MAP2K4: variants seen among roughly 807,000 people sequenced by gnomAD.
MAP2K4 encodes the protein dual specificity mitogen-activated protein kinase kinase 4.
In MAP2K4, 4 loss-of-function variants were observed where a neutral mutation model predicts 48.5. The ratio of observed to expected loss-of-function variants is 0.08; its 90% CI spans 0.04 to 0.19. The LOEUF is 0.19. Ranked by LOEUF, MAP2K4 falls within the 10% of genes least tolerant of loss-of-function variation. MAP2K4 has a pLI of 1.00. For missense variants in MAP2K4, 258 were observed against 493.3 expected, an observed-to-expected ratio of 0.52 and a Z score of 4.52; for synonymous variants, 166 against 173.1, an observed-to-expected ratio of 0.96 and a Z score of 0.32.
In MAP2K4 at chr17:12,129,307, A is replaced by G. The variant is rs1567674332; in HGVS notation, c.1040+20A>G. 1.2e-6 allele frequency: 2 copies of G among 1,614,174 alleles called. No homozygotes were observed. The highest frequency in any genetic ancestry group is 1.7e-6 in the Non-Finnish European group (2 of 1,179,980). On this transcript the variant is annotated intron_variant, in intron 9 of 10. Coordinates refer to ENST00000353533, the MANE Select transcript of MAP2K4 (RefSeq NM_003010.4). ...CTTGTGGTGAGTACCTGATTTATGA[A>G]TGGTCGAACACGCATGGCGAGAATA...
chr17:12,070,553 ATAAATG>A (rs1240455961), intron 2 of MAP2K4, among the ~76,000 whole-genome samples: 1 of 152,234 alleles, frequency 6.6e-6, no homozygotes, highest in Non-Finnish European at 1.5e-5. Flanking sequence ...GAGCATAATT[ATAAATG>A]TAAAAGAGAA....
chr17:12,054,301 C>G (rs1430900818), intron 1 of MAP2K4, among the ~76,000 whole-genome samples: 2 of 151,956 alleles, frequency 1.3e-5, no homozygotes, highest in Non-Finnish European at 1.5e-5. Context: ...ATTTTCTGCC[C>G]TTCTACCATG....
Position 12,135,259 on chromosome 17 carries a change from G to T in MAP2K4, c.1041-4580G>T, listed in dbSNP as rs528304971. 8.2e-4 allele frequency among the ~76,000 whole-genome samples: 124 copies of T among 151,640 alleles called. 1 individual carries two copies. The highest frequency in any genetic ancestry group is 2.7e-3 in the African/African-American group (111 of 41,360). ...TGCACCACCACACCTGGCTAATTTT[G>T]TATTTTTAGTAGAGTTGGGGTTTCT... On this transcript the variant is annotated intron_variant, in intron 9 of 10. Coordinates refer to ENST00000353533, the MANE Select transcript of MAP2K4 (RefSeq NM_003010.4).
At chr17:12,048,628 A>G (rs1337376548) in intron 1 of MAP2K4, among the ~76,000 whole-genome samples, 1 of 151,996 alleles carries the variant, frequency 6.6e-6, no homozygotes, top group Non-Finnish European at 1.5e-5. Context: ...TTGCGAGTCT[A>G]ACATCTCTTT....
In MAP2K4 at chr17:12,061,112, T is replaced by G. The variant is rs181896334; in HGVS notation, c.218+6121T>G. The stretch of plus-strand genomic sequence containing the variant: ...AGCTTATCTCATTCAAAATAATGTC[T>G]TCAAGGTTCATTCATGTTGTAGAAT... On this transcript the variant is annotated intron_variant, in intron 2 of 10. Coordinates refer to ENST00000353533, the MANE Select transcript of MAP2K4 (RefSeq NM_003010.4). 2.0e-4 allele frequency among the ~76,000 whole-genome samples: 30 copies of G among 152,326 alleles called. No individual in the cohort carries two copies. The East Asian group carries it at 5.8e-3, about 29-fold the overall frequency.
At chr17:12,138,135 A>G (rs1359738572) in intron 9 of MAP2K4, among the ~76,000 whole-genome samples, 1 of 152,132 alleles carries the variant, frequency 6.6e-6, no homozygotes, top group Non-Finnish European at 1.5e-5. Context: ...AGACTCAGAC[A>G]CTCAAATATT....
intron 2 of MAP2K4, among the ~76,000 whole-genome samples, chr17:12,074,487 C>T (rs1203346770): frequency 1.3e-5 from 2 of 152,188 alleles, no homozygotes; most frequent in East Asian, 3.9e-4. Flanking sequence ...TAAAATCCTT[C>T]TAACTACTTT....
chr17:12,140,009 T>C (rs976166863), intron 10 of MAP2K4, 125 bp downstream of exon 10: 1 of 583,418 alleles, frequency 1.7e-6, no homozygotes, highest in African/African-American at 1.9e-5. Flanking sequence ...ATTGAGTGTT[T>C]TTTGTTAATG....
chr17:12,053,534 A>G (rs1366969610), intron 1 of MAP2K4, among the ~76,000 whole-genome samples: 1 of 149,586 alleles, frequency 6.7e-6, no homozygotes, highest in Non-Finnish European at 1.5e-5. Context: ...TTGGTAATAT[A>G]CTGAGGGTTT....
chr17:12,100,387 C>G (rs1171895941), intron 4 of MAP2K4, among the ~76,000 whole-genome samples: 1 of 152,054 alleles, frequency 6.6e-6, no homozygotes, highest in Admixed American at 6.5e-5. Flanking sequence ...ATTTATCAGT[C>G]ATTTATTTCT....
In MAP2K4 at chr17:12,038,396, G is replaced by A. The variant is rs190228832; in HGVS notation, c.116-16493G>A. ...CCCTGGGTAGAAATGCCAAATGAAC[G>A]TTAATCAGAAAGGAAAATCAAGTGC... On this transcript the variant is annotated intron_variant, in intron 1 of 10. Transcript: ENST00000353533. Among the ~76,000 whole-genome samples the A allele has an allele frequency of 2.8e-3, 426 of 152,246 alleles. 1 individual carries two copies. The highest frequency in any genetic ancestry group is 4.3e-3 in the Admixed American group (65 of 15,290).
intron 1 of MAP2K4, among the ~76,000 whole-genome samples, chr17:12,052,897 A>G (rs1970184848): frequency 1.3e-5 from 2 of 152,102 alleles, no homozygotes; most frequent in African/African-American, 4.8e-5. Flanking sequence ...TGGGCCCCAA[A>G]TATTCATATC....
chr17:12,134,908 A>T (rs966987989), intron 9 of MAP2K4, among the ~76,000 whole-genome samples: 1 of 152,016 alleles, frequency 6.6e-6, no homozygotes, highest in African/African-American at 2.4e-5. Flanking sequence ...TTTTTATTTT[A>T]TTTATTTTGA....
chr17:12,047,514 T>C (rs1970006587), intron 1 of MAP2K4, among the ~76,000 whole-genome samples: 1 of 152,224 alleles, frequency 6.6e-6, no homozygotes, highest in Non-Finnish European at 1.5e-5. Context: ...CTAGGCCGAT[T>C]GGCACTGCTA....
chr17:12,129,094 A>C (rs1458691793), intron 8 of MAP2K4, 45 bp from the exon 9 acceptor site: 1 of 1,601,632 alleles, frequency 6.2e-7, no homozygotes, highest in Non-Finnish European at 8.5e-7. Flanking sequence ...GGGAGTAGTA[A>C]ATGATGCCTG....
chr17:12,066,845 G>A (rs867705695), intron 2 of MAP2K4, among the ~76,000 whole-genome samples: 1 of 152,184 alleles, frequency 6.6e-6, no homozygotes. Context: ...GCCCGCCACT[G>A]CGCCCGGCTA....
intron 1 of MAP2K4, among the ~76,000 whole-genome samples, chr17:12,025,069 C>T (rs553143076): frequency 3.0e-4 from 45 of 152,326 alleles, no homozygotes; most frequent in Admixed American, 3.9e-4. Context: ...AGGATGATTC[C>T]TTTTCCAGTA....
At chr17:12,060,434 A>T (rs1056506459) in intron 2 of MAP2K4, among the ~76,000 whole-genome samples, 2 of 152,220 alleles carry the variant, frequency 1.3e-5, no homozygotes, top group African/African-American at 4.8e-5. Flanking sequence ...TAAAGGAGGA[A>T]CTGTGCTGAC....
chr17:12,059,312 G>C (rs971850974), intron 2 of MAP2K4, among the ~76,000 whole-genome samples: 6 of 152,126 alleles, frequency 3.9e-5, no homozygotes, highest in Admixed American at 1.3e-4. Flanking sequence ...ATACTCTAGG[G>C]ATATTCTTAT....
Sources: allele counts gnomAD v4.1 joint callset (sites outside exome capture counted in the v4.1 genomes callset), GRCh38; gene constraint gnomAD v4.1.1; transcripts MANE v1.5; gene names NCBI Gene and HGNC (gene_info 2026-07-23, HGNC 2026-07-21).